Variants in ZNF862 observed in about 807,000 individuals in gnomAD.
ZNF862 encodes the protein zinc finger protein 862.
A neutral mutation model predicts 91.1 loss-of-function variants in ZNF862; 64 were observed. The ratio of observed to expected loss-of-function variants is 0.70; its 90% CI spans 0.57 to 0.87. The LOEUF (loss-of-function observed/expected upper bound fraction) is 0.87, where lower values mean the gene tolerates loss of function less well. Among genes scored for constraint, ZNF862 ranks in the 40% least tolerant of loss-of-function variants. The pLI is 0.00. For missense variants in ZNF862, 1,459 were observed against 1,528.0 expected, an observed-to-expected ratio of 0.95 and a Z score of 0.75; for synonymous variants, 631 against 618.1, an observed-to-expected ratio of 1.02 and a Z score of -0.31.
Position 149,861,932 on chromosome 7 carries a change from A to G in ZNF862, c.2772A>G (p.Thr924=), listed in dbSNP as rs997074373. The change falls in exon 7 of 8, where the codon ACA becomes ACG. Residue 924 remains threonine (T), a synonymous_variant. Transcript: ENST00000223210. This position sits in a 1 kb window ranked among gnomAD's most constrained non-coding sequence, Gnocchi z 6.7. ...GGTTCCAGGCGGATAGGGAGAGGACAGTCCTGACGGGGATTGAGTACCTCC... is the reference window on the plus strand; with the variant it reads ...GGTTCCAGGCGGATAGGGAGAGGACGGTCCTGACGGGGATTGAGTACCTCC... The part of the protein sequence containing the change: ...EQRFQADRER[T]VLTGIEYLQQ... 6.2e-7 allele frequency: 1 copy of G among 1,613,660 alleles called. No individual in the cohort carries two copies. The highest frequency in any genetic ancestry group is 1.3e-5 in the African/African-American group (1 of 74,898).
chr7:149,856,487 C>T (rs1473396605), intron 5 of ZNF862: 2 of 152,186 alleles, frequency 1.3e-5, no homozygotes, highest in African/African-American at 4.8e-5. Flanking sequence ...TCTTCCCCCT[C>T]GAATTGGAAA....
At chr7:149,851,505 A>G (rs576794949) in intron 5 of ZNF862, 1 of 152,336 alleles carries the variant, frequency 6.6e-6, no homozygotes, top group Admixed American at 6.5e-5. Flanking sequence ...TGAGGGCGAA[A>G]TTCACACCTG....
chr7:149,866,834 CTTATCAGAGG>C lies in ZNF862; in HGVS notation c.*2551_*2560del, dbSNP rs1344614586. 2 of 152,264 alleles carry C rather than the reference CTTATCAGAGG, an allele frequency of 1.3e-5. No individual in the cohort carries two copies. The highest frequency in any genetic ancestry group is 4.8e-5 in the African/African-American group (2 of 41,446). 9.4% of individuals were successfully genotyped at this position (152,264 alleles called of 1,614,324 possible). On this transcript the variant is annotated 3_prime_UTR_variant, in exon 8 of 8. Transcript: ENST00000223210. ...CCCCCGTGGAAACACAGTGAGCATC[CTTATCAGAGG>C]CCCTGGCCCAGGCTGGCCCCTTTGC...
rs1399580147 is a variant in ZNF862 at position 149,865,857 on chromosome 7, C to G, written c.*1573C>G. The G allele has an allele frequency of 6.6e-6, 1 of 151,684 alleles. No homozygotes were observed. Among genetic ancestry groups the G allele is most frequent in the Non-Finnish European group, 1.5e-5 (1 of 67,932 alleles). The allele number at this position is 151,684 out of a possible 1,614,324, so 9.4% of individuals were successfully genotyped here. A position where few individuals can be genotyped will look rare whatever the true frequency, so the allele number is the denominator to read the frequency against. ...CCGCTTCCCATTCCCAGGGTAGATG[C>G]TGGCATCTGAGCACCTGAGTACCCT... On this transcript the variant is annotated 3_prime_UTR_variant, in exon 8 of 8. Transcript: ENST00000223210.
chr7:149,840,415 C>A (rs1435914051), intron 1 of ZNF862, among the ~76,000 whole-genome samples: 1 of 152,050 alleles, frequency 6.6e-6, no homozygotes, highest in East Asian at 1.9e-4. Flanking sequence ...AAAACAGTTA[C>A]AATAAGCTAG....
rs2128945016 is a variant in ZNF862 at position 149,867,008 on chromosome 7, G to A, written c.*2724G>A. 1 of 152,308 alleles carries A rather than the reference G, an allele frequency of 6.6e-6. No individual in the cohort carries two copies. Among genetic ancestry groups the A allele is most frequent in the South Asian group, 2.1e-4 (1 of 4,812 alleles). 9.4% of individuals were successfully genotyped at this position (152,308 alleles called of 1,614,324 possible). On this transcript the variant is annotated 3_prime_UTR_variant, in exon 8 of 8. Coordinates refer to ENST00000223210, the MANE Select transcript of ZNF862 (RefSeq NM_001099220.3). The stretch of plus-strand genomic sequence containing the variant: ...AGAAGCATGCACTCCCGCTTTGGCT[G>A]GAGTCCCAGCGCTTGTCGCCACCCT...
In ZNF862 at chr7:149,850,304, G is replaced by C; in HGVS notation, c.1083G>C (p.Val361=). Residue 361 remains valine (V), a synonymous_variant, in exon 5 of 8, where the codon GTG becomes GTC. Coordinates refer to ENST00000223210, the MANE Select transcript of ZNF862 (RefSeq NM_001099220.3). The surrounding 1 kb of genome is among the most constrained non-coding windows in gnomAD (Gnocchi z 4.2). ...DKRQKELYRD[V]MRMNYELLAS... ...GGCAGAAGGAGCTGTACAGAGACGT[G>C]ATGCGGATGAACTACGAGCTGTTGG... 1 of 1,613,380 alleles carries C rather than the reference G, an allele frequency of 6.2e-7. No homozygotes were observed. The highest frequency in any genetic ancestry group is 2.2e-5 in the East Asian group (1 of 44,874).
At chr7:149,848,902 G>A (rs1801969663) in intron 4 of ZNF862, among the ~76,000 whole-genome samples, 1 of 152,136 alleles carries the variant, frequency 6.6e-6, no homozygotes, top group African/African-American at 2.4e-5. Flanking sequence ...CAAGGCTCAA[G>A]CAATCCTTCC....
chr7:149,840,217 A>G (rs1008605370), intron 1 of ZNF862, among the ~76,000 whole-genome samples: 4 of 140,590 alleles, frequency 2.8e-5, no homozygotes, highest in Non-Finnish European at 4.7e-5. Flanking sequence ...AAAAAAAAAA[A>G]AATTTAAAAA....
In ZNF862 at chr7:149,847,834, A is replaced by G. The variant is rs755047518; in HGVS notation, c.341A>G (p.His114Arg). Residue 114 changes from histidine (H) to arginine (R), a missense_variant, in exon 4 of 8, where the codon CAC becomes CGC. Physicochemically the swap from His to Arg is conservative, Grantham distance 29 (BLOSUM62 0). Transcript: ENST00000223210. Reference protein sequence around the residue: ...LPPQKKAYLSHLSTGSGHIEG... With the variant: ...LPPQKKAYLSRLSTGSGHIEG... ...CCTCAGAAGAAAGCCTACCTTTCCC[A>G]CCTCAGTACAGGCAGTGGACACATC... 1.2e-6 allele frequency: 2 copies of G among 1,613,574 alleles called. No individual in the cohort carries two copies. The highest frequency in any genetic ancestry group is 1.7e-6 in the Non-Finnish European group (2 of 1,179,794).
At chr7:149,840,187 T>TAAAAAAAAAAAAAAAAAAAACAA (rs1801651979) in intron 1 of ZNF862, among the ~76,000 whole-genome samples, 1 of 41,246 alleles carries the variant, frequency 2.4e-5, no homozygotes, top group Non-Finnish European at 4.5e-5. Context: ...GCTTAAAAAG[T>TAAAAAAAAAAAAAAAAAAAACAA]AAAAAAAAAA....
Position 149,864,247 on chromosome 7 carries a change from AT to A in ZNF862, c.3474del (p.His1160ThrfsTer25), listed in dbSNP as rs763272656. The A allele has an allele frequency of 2.5e-6, 4 of 1,603,532 alleles. No individual in the cohort carries two copies. The South Asian group carries it at 4.5e-5, about 18-fold the overall frequency. ...CIMEPPERLL[Y>X]PHTSQEAPGM... is the part of the protein sequence containing the mutation. ...ATGGAGCCTCCCGAGAGACTCCTGT[AT>A]CCCCACACCAGCCAGGAGGCCCCCG... On this transcript the variant is annotated frameshift_variant, in exon 8 of 8. Coordinates refer to ENST00000223210, the MANE Select transcript of ZNF862 (RefSeq NM_001099220.3). LOFTEE classifies it low-confidence loss of function (END_TRUNC).
At chr7:149,856,039 C>T (rs1288127759) in intron 5 of ZNF862, 1 of 152,536 alleles carries the variant, frequency 6.6e-6, no homozygotes, top group East Asian at 1.9e-4. Flanking sequence ...TGCCCAACTT[C>T]CTGGCTCCTT....
chr7:149,849,027 C>G (rs979156694), intron 4 of ZNF862, among the ~76,000 whole-genome samples: 4 of 152,160 alleles, frequency 2.6e-5, no homozygotes, highest in Non-Finnish European at 5.9e-5. Flanking sequence ...TCTTGAACTC[C>G]TGGACTCAAC....
In ZNF862 at chr7:149,847,940, G is replaced by T; in HGVS notation, c.447G>T (p.Trp149Cys). The change falls in exon 4 of 8, where the codon TGG becomes TGT. Residue 149 changes from tryptophan (W) to cysteine (C), a missense_variant. Coordinates refer to ENST00000223210, the MANE Select transcript of ZNF862 (RefSeq NM_001099220.3). ...AGTCGTGGTTTGTGCAGTTTCCGTG[G>T]CTGATCATGAATGAGGAGCAGACGG... ...IQKSWFVQFP[W>C]LIMNEEQTAL... is the part of the protein sequence containing the mutation. 1 of 1,607,456 alleles carries T rather than the reference G, an allele frequency of 6.2e-7. No homozygotes were observed. The highest frequency in any genetic ancestry group is 8.5e-7 in the Non-Finnish European group (1 of 1,176,668).
chr7:149,844,524 C>A, intron 1 of ZNF862, 101 bp from the exon 2 acceptor site: 1 of 730,456 alleles, frequency 1.4e-6, no homozygotes. Context: ...AAATTGACAA[C>A]ACCCCTCCCC....
At chr7:149,838,741 C>T (rs933127362) in intron 1 of ZNF862, 106 bp downstream of exon 1, 2 of 745,408 alleles carry the variant, frequency 2.7e-6, no homozygotes, top group Admixed American at 4.3e-5. Flanking sequence ...ATGAGCCAGG[C>T]TTGCAGGGAA....
chr7:149,848,030 A>G lies in ZNF862; in HGVS notation c.537A>G (p.Glu179=), dbSNP rs756662277. ...SIRDKRSRLI[E]GYTGPFKVET... is the part of the protein sequence containing the mutation. ...GGGACAAACGGTCAAGACTAATAGAAGGTTATACAGGACCATTCAAGGTGG... is the reference window on the plus strand; with the variant it reads ...GGGACAAACGGTCAAGACTAATAGAGGGTTATACAGGACCATTCAAGGTGG... The change falls in exon 4 of 8, where the codon GAA becomes GAG. Residue 179 remains glutamate (E), a synonymous_variant. Coordinates refer to ENST00000223210, the MANE Select transcript of ZNF862 (RefSeq NM_001099220.3). 31 of 1,613,912 alleles carry G rather than the reference A, an allele frequency of 1.9e-5. No homozygotes were observed. Among genetic ancestry groups the G allele is most frequent in the Non-Finnish European group, 2.6e-5 (31 of 1,179,846 alleles).
chr7:149,860,646 C>T lies in ZNF862; in HGVS notation c.1486C>T (p.Leu496Phe). Residue 496 changes from leucine to phenylalanine, a missense_variant, in exon 7 of 8, where the codon CTC becomes TTC. Transcript: ENST00000223210. ...CTCAGCCTGCATAGAAAGACCTAATCTCCATGATAAATCATCTCGGTTAGT... is the reference window on the plus strand; with the variant it reads ...CTCAGCCTGCATAGAAAGACCTAATTTCCATGATAAATCATCTCGGTTAGT... ...FCSACIERPN[L>F]HDKSSRLVRG... is the part of the protein sequence containing the mutation. 6.2e-7 allele frequency: 1 copy of T among 1,614,044 alleles called. No homozygotes were observed.
Sources: gnomAD v4.1 joint callset for allele counts (sites outside exome capture counted in the v4.1 genomes callset) on GRCh38, gnomAD v4.1.1 for gene constraint, Gnocchi (gnomAD v3.1) non-coding constraint, MANE v1.5 for transcripts, NCBI Gene and HGNC (gene_info 2026-07-23, HGNC 2026-07-21) for gene names.